Variants in PDE4D observed in about 807,000 individuals in gnomAD.
PDE4D encodes the protein phosphodiesterase 4D, also known as 3',5'-cyclic-AMP phosphodiesterase 4D.
A neutral mutation model predicts 87.4 loss-of-function variants in PDE4D; 24 were observed. That is an observed-to-expected ratio of 0.27 (90% CI 0.20 to 0.39). The LOEUF (loss-of-function observed/expected upper bound fraction) is 0.39. Among genes scored for constraint, PDE4D ranks in the 10% least tolerant of loss-of-function variants. PDE4D has a pLI of 1.00. For missense variants in PDE4D, 714 were observed against 1,041.0 expected (o/e 0.69, Z 4.32); for synonymous variants, 384 against 383.2 (o/e 1.00, Z -0.02).
intron 1 of PDE4D, among the ~76,000 whole-genome samples, chr5:60,229,421 A>G (rs1169834715): frequency 2.0e-5 from 3 of 152,174 alleles, no homozygotes; most frequent in African/African-American, 7.2e-5. Context: ...TTATCCTGAG[A>G]TTAGCCTAAG....
intron 2 of PDE4D, among the ~76,000 whole-genome samples, chr5:60,121,696 G>C (rs929674539): frequency 2.0e-5 from 3 of 152,022 alleles, no homozygotes; most frequent in Non-Finnish European, 4.4e-5. Flanking sequence ...GATTTGGGTG[G>C]GGACACGGAG....
chr5:59,618,161 T>A (rs1461613094), intron 1 of PDE4D, among the ~76,000 whole-genome samples: 2 of 152,130 alleles, frequency 1.3e-5, no homozygotes, highest in African/African-American at 2.4e-5. Flanking sequence ...GAGAAGTAAA[T>A]CAATGAGTAG....
intron 5 of PDE4D, among the ~76,000 whole-genome samples, chr5:59,130,201 A>C (rs2153450541): frequency 6.6e-6 from 1 of 152,334 alleles, no homozygotes; most frequent in African/African-American, 2.4e-5. Flanking sequence ...GTATCTGATT[A>C]TAATTGGATG....
At chr5:60,050,060 A>G (rs1007502271) in intron 2 of PDE4D, among the ~76,000 whole-genome samples, 25 of 152,160 alleles carry the variant, frequency 1.6e-4, no homozygotes, top group Admixed American at 5.9e-4. Flanking sequence ...GCAGGATATA[A>G]TCTCCTGGTG....
At chr5:59,406,191 G>C (rs2153616925) in intron 1 of PDE4D, among the ~76,000 whole-genome samples, 1 of 152,196 alleles carries the variant, frequency 6.6e-6, no homozygotes, top group South Asian at 2.1e-4. Context: ...TTTCATTATG[G>C]CTTCAATCTT....
intron 2 of PDE4D, among the ~76,000 whole-genome samples, chr5:60,003,181 G>T (rs1764163684): frequency 6.6e-6 from 1 of 151,980 alleles, no homozygotes; most frequent in African/African-American, 2.4e-5. Flanking sequence ...AAATACTTAG[G>T]AATGAATTTA....
At chr5:59,314,615 G>A (rs1773331432) in intron 1 of PDE4D, 1 of 152,060 alleles carries the variant, frequency 6.6e-6, no homozygotes, top group African/African-American at 2.4e-5. Context: ...AAACCCTATT[G>A]CACTTGTGTC....
At chr5:59,951,357 T>C (rs1481512445) in intron 3 of PDE4D, among the ~76,000 whole-genome samples, 1 of 152,186 alleles carries the variant, frequency 6.6e-6, no homozygotes, top group Non-Finnish European at 1.5e-5. Context: ...TAAAGTATGG[T>C]GGTCAGTAAC....
intron 1 of PDE4D, among the ~76,000 whole-genome samples, chr5:60,362,259 T>C (rs562291184): frequency 6.6e-6 from 1 of 152,340 alleles, no homozygotes; most frequent in South Asian, 2.1e-4. Flanking sequence ...GTTGATGAAA[T>C]TCTTTTGGCC....
At chr5:59,920,151 T>C (rs905509966) in intron 3 of PDE4D, among the ~76,000 whole-genome samples, 3 of 152,190 alleles carry the variant, frequency 2.0e-5, no homozygotes, top group Admixed American at 1.3e-4. Context: ...TGAAGAGGCA[T>C]ATCTTTTTTG....
intron 1 of PDE4D, among the ~76,000 whole-genome samples, chr5:59,267,730 C>A (rs1038577222): frequency 3.6e-4 from 54 of 152,088 alleles, no homozygotes; most frequent in African/African-American, 1.2e-3. Context: ...ATAAAGAAAA[C>A]TTCCTAACTC....
At chr5:59,250,963 C>T (rs1398018628) in intron 1 of PDE4D, among the ~76,000 whole-genome samples, 17 of 152,288 alleles carry the variant, frequency 1.1e-4, no homozygotes, top group Admixed American at 3.9e-4. Context: ...GCTGGGATAA[C>T]TGGCTACCCA....
At chr5:59,673,713 T>C (rs958833848) in intron 1 of PDE4D, among the ~76,000 whole-genome samples, 2 of 152,182 alleles carry the variant, frequency 1.3e-5, no homozygotes, top group South Asian at 2.1e-4. Context: ...AGTTGGCCCA[T>C]ACATTAGAAT....
intron 5 of PDE4D, among the ~76,000 whole-genome samples, chr5:59,052,302 C>T (rs938645214): frequency 6.6e-6 from 1 of 152,162 alleles, no homozygotes; most frequent in Admixed American, 6.5e-5. Flanking sequence ...GGAGGGAGTC[C>T]GCTGGCATTG....
chr5:59,193,443 C>A, intron 3 of PDE4D, 57 bp downstream of exon 3: 3 of 1,462,138 alleles, frequency 2.1e-6, no homozygotes, highest in Non-Finnish European at 2.9e-6. Flanking sequence ...GAACTAATTC[C>A]CCAAATTAAA....
chr5:60,259,146 C>T (rs1338635446), intron 1 of PDE4D, among the ~76,000 whole-genome samples: 1 of 151,886 alleles, frequency 6.6e-6, no homozygotes, highest in East Asian at 1.9e-4. Flanking sequence ...TGAGTTCTTC[C>T]TATAATTATA....
At chr5:60,494,265 AG>A (rs886533858) in intron 1 of PDE4D, among the ~76,000 whole-genome samples, 2 of 152,168 alleles carry the variant, frequency 1.3e-5, no homozygotes, top group African/African-American at 2.4e-5. Context: ...CACTGGGGGT[AG>A]GGGGATCTCA....
chr5:59,700,296 T>C (rs907063918), intron 1 of PDE4D, among the ~76,000 whole-genome samples: 2 of 152,186 alleles, frequency 1.3e-5, no homozygotes, highest in African/African-American at 4.8e-5. Context: ...GTATTATTAT[T>C]TTACCAACAA....
At chr5:59,438,332 C>A (rs1241605619) in intron 1 of PDE4D, among the ~76,000 whole-genome samples, 1 of 152,006 alleles carries the variant, frequency 6.6e-6, no homozygotes, top group Non-Finnish European at 1.5e-5. Flanking sequence ...TGTTCTCTGT[C>A]CTAAAGTGAA....
Sources: gnomAD v4.1 joint callset for allele counts (sites outside exome capture counted in the v4.1 genomes callset) on GRCh38, gnomAD v4.1.1 for gene constraint, MANE v1.5 for transcripts, NCBI Gene and HGNC (gene_info 2026-07-23, HGNC 2026-07-21) for gene names.